Variants in KATNIP observed in about 807,000 individuals in gnomAD.
The protein encoded by KATNIP is katanin interacting protein.
A neutral mutation model predicts 174.0 loss-of-function variants in KATNIP; 126 were observed. The ratio of observed to expected loss-of-function variants is 0.72; its 90% CI spans 0.63 to 0.84. KATNIP has a LOEUF of 0.84. KATNIP is among the 40% of genes least tolerant of loss of function. The pLI is 0.00. For synonymous variants in KATNIP, 810 were observed against 835.7 expected (o/e 0.97, Z 0.53); for missense variants, 1,958 against 2,109.7 (o/e 0.93, Z 1.41).
chr16:27,753,593 A>G (rs1303390529), intron 17 of KATNIP, among the ~76,000 whole-genome samples: 1 of 152,136 alleles, frequency 6.6e-6, no homozygotes, highest in Non-Finnish European at 1.5e-5. Flanking sequence ...TATCCTGGCT[A>G]CCCGTGGAAA....
intron 6 of KATNIP, among the ~76,000 whole-genome samples, chr16:27,651,789 G>A (rs543158224): frequency 3.3e-5 from 5 of 152,178 alleles, no homozygotes; most frequent in East Asian, 1.9e-4. Context: ...GTGCGATCTC[G>A]GCTCACTGCA....
intron 2 of KATNIP, among the ~76,000 whole-genome samples, chr16:27,603,999 A>G (rs1337252664): frequency 2.6e-5 from 4 of 152,004 alleles, no homozygotes; most frequent in African/African-American, 9.7e-5. Context: ...GGCCTTCCAA[A>G]GTTTTGGGAA....
At chr16:27,588,355 T>C (rs931048828) in intron 2 of KATNIP, among the ~76,000 whole-genome samples, 1 of 152,152 alleles carries the variant, frequency 6.6e-6, no homozygotes, top group African/African-American at 2.4e-5. Flanking sequence ...TTTTTATATA[T>C]AAATATATAA....
At chr16:27,733,125 T>C (rs916892474) in intron 14 of KATNIP, among the ~76,000 whole-genome samples, 5 of 152,182 alleles carry the variant, frequency 3.3e-5, no homozygotes, top group Admixed American at 3.3e-4. Context: ...AGGCAGGTGC[T>C]CATCTCTGGG....
At chr16:27,739,586 C>A (rs191584428) in intron 14 of KATNIP, among the ~76,000 whole-genome samples, 21 of 152,254 alleles carry the variant, frequency 1.4e-4, no homozygotes, top group Non-Finnish European at 1.0e-4. Flanking sequence ...CCAGGCTTTT[C>A]GACGCAGATG....
At chr16:27,579,368 A>T (rs2090610073) in intron 2 of KATNIP, among the ~76,000 whole-genome samples, 1 of 152,190 alleles carries the variant, frequency 6.6e-6, no homozygotes, top group Non-Finnish European at 1.5e-5. Context: ...GTGACCTTGG[A>T]CTTGAGCCCT....
chr16:27,732,955 T>C (rs879302916), intron 14 of KATNIP, among the ~76,000 whole-genome samples: 8 of 152,226 alleles, frequency 5.3e-5, no homozygotes, highest in Non-Finnish European at 7.3e-5. Flanking sequence ...CTCCCTGGGC[T>C]GTGCCTGAAG....
rs1460150446 is a variant in KATNIP at position 27,637,894 on chromosome 16, G to T, written c.408+6732G>T. ...CGCCCATGGGAGCAAGGGGCTACAGGAGGACCAGGAAGCCTTTGAAGCAGG... is the reference window on the plus strand; with the variant it reads ...CGCCCATGGGAGCAAGGGGCTACAGTAGGACCAGGAAGCCTTTGAAGCAGG... On this transcript the variant is annotated intron_variant, in intron 5 of 27. Coordinates refer to ENST00000261588, the MANE Select transcript of KATNIP (RefSeq NM_015202.5). The surrounding 1 kb of genome is among the most constrained non-coding windows in gnomAD (Gnocchi z 4.7). Among the ~76,000 whole-genome samples, 1 of 152,172 alleles carries T rather than the reference G, an allele frequency of 6.6e-6. No individual in the cohort carries two copies. The highest frequency in any genetic ancestry group is 3.2e-3 in the Middle Eastern group (1 of 316).
At chr16:27,727,256 A>G in intron 14 of KATNIP, 1 of 217,298 alleles carries the variant, frequency 4.6e-6, no homozygotes, top group Non-Finnish European at 1.0e-5. Flanking sequence ...TGGCGTGATC[A>G]TGGCTCACTG....
At chr16:27,672,214 G>A (rs2077940453) in intron 6 of KATNIP, among the ~76,000 whole-genome samples, 1 of 151,968 alleles carries the variant, frequency 6.6e-6, no homozygotes, top group Non-Finnish European at 1.5e-5. Context: ...CTCCCTCTAG[G>A]GAACACATGC....
chr16:27,766,863 G>A (rs2082144064), intron 20 of KATNIP, among the ~76,000 whole-genome samples: 1 of 152,210 alleles, frequency 6.6e-6, no homozygotes, highest in South Asian at 2.1e-4. Flanking sequence ...AGGTGGGTGT[G>A]ATTACCCCCA....
chr16:27,662,469 G>T (rs1256730854), intron 6 of KATNIP, among the ~76,000 whole-genome samples: 1 of 152,038 alleles, frequency 6.6e-6, no homozygotes, highest in Non-Finnish European at 1.5e-5. Context: ...AAGACGGCTG[G>T]CTTGTGGCAT....
At chr16:27,745,763 T>A (rs937406459) in intron 15 of KATNIP, among the ~76,000 whole-genome samples, 24 of 152,246 alleles carry the variant, frequency 1.6e-4, no homozygotes, top group African/African-American at 5.8e-4. Context: ...CCAGATTGTG[T>A]TGACTGCAGG....
chr16:27,598,439 G>A (rs1199089360), intron 2 of KATNIP, among the ~76,000 whole-genome samples: 1 of 152,048 alleles, frequency 6.6e-6, no homozygotes, highest in South Asian at 2.1e-4. Context: ...CCAGAGTTGC[G>A]GCCACACCCC....
intron 1 of KATNIP, among the ~76,000 whole-genome samples, chr16:27,568,444 A>G (rs1026987615): frequency 2.0e-5 from 3 of 152,064 alleles, no homozygotes; most frequent in Non-Finnish European, 4.4e-5. Flanking sequence ...GGTGTGAGCA[A>G]CCGGGCCTTG....
In KATNIP at chr16:27,675,750, C is replaced by T. The variant is rs563759667; in HGVS notation, c.541-1979C>T. Among the ~76,000 whole-genome samples the T allele has an allele frequency of 6.5e-4, 99 of 152,264 alleles. 1 individual carries two copies. Among genetic ancestry groups the T allele is most frequent in the African/African-American group, 2.3e-3 (96 of 41,554 alleles). ...GCTGGCAGTATTTCTCCTGGTATGA[C>T]ATTCTCAAAAGTCATGTGGGACTCC... On this transcript the variant is annotated intron_variant, in intron 6 of 27. Coordinates refer to ENST00000261588, the MANE Select transcript of KATNIP (RefSeq NM_015202.5).
intron 13 of KATNIP, among the ~76,000 whole-genome samples, chr16:27,712,161 A>G (rs1477548809): frequency 6.6e-6 from 1 of 152,142 alleles, no homozygotes; most frequent in Non-Finnish European, 1.5e-5. Flanking sequence ...GTGATGGTCC[A>G]CGGTTTTGGT....
intron 20 of KATNIP, among the ~76,000 whole-genome samples, chr16:27,767,578 G>A (rs1168449109): frequency 6.6e-6 from 1 of 152,174 alleles, no homozygotes; most frequent in Non-Finnish European, 1.5e-5. Context: ...GGCAGGCTTA[G>A]TGGCACACAC....
At chr16:27,662,260 C>T (rs1262535016) in intron 6 of KATNIP, among the ~76,000 whole-genome samples, 1 of 151,252 alleles carries the variant, frequency 6.6e-6, no homozygotes, top group Non-Finnish European at 1.5e-5. Context: ...GTGGACCAAA[C>T]AAAATATACC....
Sources: allele counts gnomAD v4.1 joint callset (sites outside exome capture counted in the v4.1 genomes callset), GRCh38; gene constraint gnomAD v4.1.1; non-coding constraint Gnocchi (gnomAD v3.1); transcripts MANE v1.5; gene names NCBI Gene and HGNC (gene_info 2026-07-23, HGNC 2026-07-21).